Variants in PLSCR1 observed in about 807,000 individuals in gnomAD.
PLSCR1 encodes the protein phospholipid scramblase 1, also known as PL scramblase 1.
In PLSCR1, 17 loss-of-function variants were observed where a neutral mutation model predicts 37.8. The observed-to-expected ratio is 0.45, with a 90% CI of 0.31 to 0.68. PLSCR1 has a LOEUF of 0.68. Among genes scored for constraint, PLSCR1 ranks in the 30% least tolerant of loss-of-function variants. The pLI is 0.06. For synonymous variants in PLSCR1, 116 were observed against 125.9 expected, an observed-to-expected ratio of 0.92 and a Z score of 0.53; for missense variants, 347 against 380.9, an observed-to-expected ratio of 0.91 and a Z score of 0.74.
chr3:146,523,071 CAG>C (rs2044053481), intron 5 of PLSCR1, among the ~76,000 whole-genome samples: 1 of 152,228 alleles, frequency 6.6e-6, no homozygotes, highest in Non-Finnish European at 1.5e-5. Flanking sequence ...TAAGGGAACT[CAG>C]AGGCCGGTGC....
chr3:146,539,770 A>G (rs1222349756), intron 1 of PLSCR1, among the ~76,000 whole-genome samples: 1 of 152,156 alleles, frequency 6.6e-6, no homozygotes, highest in Non-Finnish European at 1.5e-5. Context: ...GCTTTACTAT[A>G]GGTTTTAGAA....
chr3:146,521,104 A>G (rs1001731478), intron 7 of PLSCR1, among the ~76,000 whole-genome samples: 8 of 152,172 alleles, frequency 5.3e-5, no homozygotes, highest in African/African-American at 1.2e-4. Context: ...CTATCTTTGC[A>G]TAATTGGGCT....
intron 5 of PLSCR1, among the ~76,000 whole-genome samples, chr3:146,523,997 G>A (rs1298904471): frequency 2.0e-5 from 3 of 152,244 alleles, no homozygotes; most frequent in Admixed American, 6.5e-5. Context: ...GGATAAAGAC[G>A]GCCTTCACAA....
intron 1 of PLSCR1, among the ~76,000 whole-genome samples, chr3:146,539,272 A>G (rs984058913): frequency 2.0e-5 from 3 of 152,156 alleles, no homozygotes; most frequent in Admixed American, 1.3e-4. Flanking sequence ...TCTTGCTCCT[A>G]TGAGAATCTA....
At chr3:146,533,921 T>C (rs1036205055) in intron 2 of PLSCR1, among the ~76,000 whole-genome samples, 9 of 152,154 alleles carry the variant, frequency 5.9e-5, no homozygotes, top group Non-Finnish European at 1.0e-4. Flanking sequence ...GATGTGAAGA[T>C]GGTAGAATTA....
chr3:146,533,446 T>G, intron 3 of PLSCR1, 24 bp downstream of exon 3: 1 of 1,424,810 alleles, frequency 7.0e-7, no homozygotes, highest in Non-Finnish European at 9.8e-7. Context: ...ATTTTACTTT[T>G]TCTTCTTTCA....
At chr3:146,543,665 G>T (rs1334911818) in intron 1 of PLSCR1, among the ~76,000 whole-genome samples, 1 of 152,218 alleles carries the variant, frequency 6.6e-6, no homozygotes, top group East Asian at 1.9e-4. Context: ...TGGAGAAGCA[G>T]GAACTTTGTC....
intron 7 of PLSCR1, among the ~76,000 whole-genome samples, chr3:146,521,247 A>G (rs2044015005): frequency 6.6e-6 from 1 of 152,180 alleles, no homozygotes. Context: ...TTCTGTTTAA[A>G]ATGGATAATA....
At chr3:146,531,074 T>C (rs2044191416) in intron 3 of PLSCR1, among the ~76,000 whole-genome samples, 1 of 152,166 alleles carries the variant, frequency 6.6e-6, no homozygotes, top group Non-Finnish European at 1.5e-5. Flanking sequence ...TGACTAGAGA[T>C]GCCAAAGGTC....
chr3:146,539,007 G>A (rs1321646471), intron 1 of PLSCR1, among the ~76,000 whole-genome samples: 2 of 152,098 alleles, frequency 1.3e-5, no homozygotes, highest in African/African-American at 2.4e-5. Flanking sequence ...AGTGAAGCAG[G>A]GGATGGTTTT....
chr3:146,542,626 T>C (rs143875138), intron 1 of PLSCR1, among the ~76,000 whole-genome samples: 210 of 152,360 alleles, frequency 1.4e-3, no homozygotes, highest in African/African-American at 5.0e-3. Context: ...CATTTTTTTC[T>C]AATCACTTCT....
chr3:146,540,452 T>C (rs1299354830), intron 1 of PLSCR1, among the ~76,000 whole-genome samples: 2 of 152,180 alleles, frequency 1.3e-5, no homozygotes, highest in African/African-American at 4.8e-5. Context: ...AAATTCATAT[T>C]ACAGTGAAAC....
chr3:146,544,218 C>A (rs1056911534), intron 1 of PLSCR1, among the ~76,000 whole-genome samples: 1 of 152,200 alleles, frequency 6.6e-6, no homozygotes, highest in Non-Finnish European at 1.5e-5. Context: ...TGCCGCTGGG[C>A]CGCCTGGGGC....
intron 1 of PLSCR1, chr3:146,538,039 G>A (rs984408126): frequency 1.3e-5 from 2 of 152,130 alleles, no homozygotes; most frequent in African/African-American, 4.8e-5. Context: ...ATGGGTTTAT[G>A]TGGTCCTGAA....
chr3:146,520,456 T>C, intron 7 of PLSCR1, among the ~76,000 whole-genome samples: 1 of 152,150 alleles, frequency 6.6e-6, no homozygotes, highest in Non-Finnish European at 1.5e-5. Flanking sequence ...ATGCATACCC[T>C]TACATAAAAT....
Position 146,533,464 on chromosome 3 carries a change from C to T in PLSCR1, c.94+6G>A, listed in dbSNP as rs2044225922. 4.5e-6 allele frequency: 7 copies of T among 1,559,804 alleles called. No homozygotes were observed. Among genetic ancestry groups the T allele is most frequent in the Non-Finnish European group, 5.3e-6 (6 of 1,136,930 alleles). On this transcript the variant is annotated splice_donor_region_variant and intron_variant, in intron 3 of 8. Transcript: ENST00000342435. ...TTACTTTTTCTTCTTTCAGCAACTG[C>T]TTTACCTTGGAATGCTGTCGGTGGA...
At chr3:146,519,197 A>G (rs1350492892) in intron 7 of PLSCR1, among the ~76,000 whole-genome samples, 1 of 152,154 alleles carries the variant, frequency 6.6e-6, no homozygotes, top group Non-Finnish European at 1.5e-5. Flanking sequence ...GATGGGTTTC[A>G]AACCTGGGCA....
chr3:146,543,459 T>A (rs934469227), intron 1 of PLSCR1, among the ~76,000 whole-genome samples: 2 of 152,238 alleles, frequency 1.3e-5, no homozygotes, highest in Non-Finnish European at 2.9e-5. Context: ...AAAGGTTTGC[T>A]CTTAGAAAAA....
At chr3:146,524,831 G>T (rs1052229177) in intron 5 of PLSCR1, among the ~76,000 whole-genome samples, 2 of 152,064 alleles carry the variant, frequency 1.3e-5, no homozygotes, top group African/African-American at 4.8e-5. Flanking sequence ...TTTTACCAGT[G>T]GAAAGAAACT....
Sources: gnomAD v4.1 joint callset for allele counts (sites outside exome capture counted in the v4.1 genomes callset) on GRCh38, gnomAD v4.1.1 for gene constraint, MANE v1.5 for transcripts, NCBI Gene and HGNC (gene_info 2026-07-23, HGNC 2026-07-21) for gene names.